FHL1: variants seen among roughly 807,000 people sequenced by gnomAD.
FHL1 encodes four and a half LIM domains protein 1.
FHL1 carries 1 observed loss-of-function variant against 20.3 expected under a neutral mutation model. The observed-to-expected ratio is 0.05, with a 90% confidence interval of 0.02 to 0.23. The LOEUF (loss-of-function observed/expected upper bound fraction) is 0.23, where lower values mean the gene tolerates loss of function less well. FHL1 is among the 10% of genes least tolerant of loss of function. FHL1 has a pLI of 1.00. For missense variants in FHL1, 177 were observed against 234.0 expected, an observed-to-expected ratio of 0.76 and a Z score of 1.59; for synonymous variants, 82 against 88.9, an observed-to-expected ratio of 0.92 and a Z score of 0.44.
intron 1 of FHL1, among the ~76,000 whole-genome samples, chrX:136,197,418 A>G (rs2073586115): frequency 2.7e-5 from 3 of 111,916 alleles, no homozygotes; most frequent in Admixed American, 9.5e-5. Context: ...AAACTATAAG[A>G]GATTGTGGGA....
chrX:136,204,920 C>T (rs753460849), intron 1 of FHL1: 1 of 112,274 alleles, frequency 8.9e-6, no homozygotes, highest in South Asian at 3.7e-4. Context: ...TTGGGGCTTT[C>T]AGTTAGTGGA....
intron 1 of FHL1, among the ~76,000 whole-genome samples, chrX:136,161,739 G>A (rs991591475): frequency 9.0e-6 from 1 of 111,588 alleles, no homozygotes. Flanking sequence ...TTAGTAAGAT[G>A]AAATAAAAAA....
At chrX:136,193,327 G>A (rs2073477602), upstream of FHL1, among the ~76,000 whole-genome samples, 1 of 112,044 alleles carries the variant, frequency 8.9e-6, no homozygotes, top group African/African-American at 3.2e-5. Context: ...TGAATTTGCC[G>A]TGTTTGATTC....
intron 4 of FHL1, 128 bp downstream of exon 4, chrX:136,208,089 C>T: frequency 1.1e-6 from 1 of 873,014 alleles, no homozygotes; most frequent in Non-Finnish European, 1.7e-6. Context: ...ATTATTATTC[C>T]CGTTTTACAG....
chrX:136,177,811 T>C (rs755176021), intron 2 of FHL1, among the ~76,000 whole-genome samples: 37 of 112,149 alleles, frequency 3.3e-4, no homozygotes, highest in African/African-American at 1.2e-3. Flanking sequence ...GTTCAGTGCA[T>C]ATGGAAGTTG....
At chrX:136,169,537 C>T (rs2072804475), upstream of FHL1, 22 of 224,735 alleles carry the variant, frequency 9.8e-5, no homozygotes, top group South Asian at 1.2e-3. Flanking sequence ...AAAGGCTCAA[C>T]TAATAAATCT....
intron 2 of FHL1, among the ~76,000 whole-genome samples, chrX:136,172,814 T>A (rs1306773015): frequency 3.6e-5 from 4 of 112,087 alleles, no homozygotes; most frequent in African/African-American, 1.3e-4. Context: ...CTCACTGCAA[T>A]CTGTACCTCC....
intron 1 of FHL1, among the ~76,000 whole-genome samples, chrX:136,150,355 C>T (rs953804899): frequency 2.7e-5 from 3 of 111,841 alleles, no homozygotes; most frequent in African/African-American, 9.8e-5. Context: ...CCTTCTTCCC[C>T]ATGCCTCTCC....
upstream of FHL1, among the ~76,000 whole-genome samples, chrX:136,195,285 C>T (rs1010330404): frequency 1.4e-4 from 16 of 112,479 alleles, no homozygotes; most frequent in Non-Finnish European, 1.3e-4. Flanking sequence ...GTTCACAGCG[C>T]TGCAAGAGAG....
In FHL1 at chrX:136,161,152, G is replaced by A. The variant is rs188349830; in HGVS notation, c.-100-8755G>A. 4.5e-5 allele frequency among the ~76,000 whole-genome samples: 5 copies of A among 111,831 alleles called. No homozygotes were observed. The East Asian group carries it at 1.4e-3, about 31-fold the overall frequency. On this transcript the variant is annotated intron_variant, in intron 1 of 7. Coordinates refer to the FHL1 transcript ENST00000394155. ...TGCTCCCTAACTACTGTGAGTATCT[G>A]GAAGGATTGGGGAGGTATAGTGGCA...
chrX:136,196,841 T>A, upstream of FHL1: 1 of 1,167,139 alleles, frequency 8.6e-7, no homozygotes, highest in Non-Finnish European at 1.1e-6. Context: ...TGGAGCTAAT[T>A]TGGATGCTGA....
intron 1 of FHL1, among the ~76,000 whole-genome samples, chrX:136,201,041 G>A (rs147225965): frequency 4.5e-3 from 506 of 111,493 alleles, no homozygotes; most frequent in Non-Finnish European, 6.9e-3. Context: ...GTGCACGCAT[G>A]TAATCCCAGC....
At chrX:136,160,024 C>T (rs2072523775) in intron 1 of FHL1, among the ~76,000 whole-genome samples, 3 of 112,279 alleles carry the variant, frequency 2.7e-5, no homozygotes, top group Non-Finnish European at 5.6e-5. Flanking sequence ...ATGGCCAGCT[C>T]TACAGTAAAC....
chrX:136,175,509 A>G (rs2072979038), intron 2 of FHL1, among the ~76,000 whole-genome samples: 1 of 112,357 alleles, frequency 8.9e-6, no homozygotes. Flanking sequence ...AAAGAAAAAA[A>G]GCTGTGTAAG....
intron 1 of FHL1, among the ~76,000 whole-genome samples, chrX:136,198,698 C>T (rs919385374): frequency 6.3e-5 from 7 of 111,905 alleles, no homozygotes; most frequent in African/African-American, 2.0e-4. Context: ...TATCCATATA[C>T]TGAGAGGACA....
chrX:136,182,082 A>G (rs921753087), intron 2 of FHL1, among the ~76,000 whole-genome samples: 3 of 112,312 alleles, frequency 2.7e-5, no homozygotes, highest in African/African-American at 9.7e-5. Flanking sequence ...GGTATTCTGG[A>G]ATCCTGGCAT....
upstream of FHL1, among the ~76,000 whole-genome samples, chrX:136,196,111 C>A (rs1276437701): frequency 1.8e-5 from 2 of 111,335 alleles, no homozygotes; most frequent in Admixed American, 1.9e-4. Flanking sequence ...GAAATCAGTG[C>A]AATACCAGCA....
intron 5 of FHL1, chrX:136,209,107 C>A: frequency 1.8e-6 from 1 of 541,265 alleles, no homozygotes; most frequent in Non-Finnish European, 2.9e-6. Context: ...TTTTTGCGAT[C>A]AGCAAAGCTA....
At chrX:136,199,562 A>G (rs991360462) in intron 1 of FHL1, among the ~76,000 whole-genome samples, 1 of 112,445 alleles carries the variant, frequency 8.9e-6, no homozygotes, top group African/African-American at 3.2e-5. Context: ...CTATTACACA[A>G]GTGTCCTATT....
Sources: allele counts gnomAD v4.1 joint callset (sites outside exome capture counted in the v4.1 genomes callset), GRCh38; gene constraint gnomAD v4.1.1; transcripts MANE v1.5; gene names NCBI Gene and HGNC (gene_info 2026-07-23, HGNC 2026-07-21).